The following RSPH1 variants were observed in gnomAD, a reference collection of about 807,000 sequenced individuals.
RSPH1 encodes radial spoke head 1 homolog.
A neutral mutation model predicts 44.2 loss-of-function variants in RSPH1; 32 were observed. That is an observed-to-expected ratio of 0.72 (90% CI 0.55 to 0.97). The LOEUF is 0.97. RSPH1 is among the 50% of genes least tolerant of loss of function. RSPH1 has a pLI of 0.00. For missense variants in RSPH1, 391 were observed against 398.7 expected (o/e 0.98, Z 0.16); for synonymous variants, 134 against 147.3 (o/e 0.91, Z 0.65).
chr21:42,483,395 T>G (rs939827863), intron 5 of RSPH1, among the ~76,000 whole-genome samples: 1 of 152,190 alleles, frequency 6.6e-6, no homozygotes, highest in Admixed American at 6.5e-5. Context: ...TTCCCATAAC[T>G]GCACTTAAGA....
At chr21:42,491,012 C>A (rs1489599891) in intron 3 of RSPH1, among the ~76,000 whole-genome samples, 1 of 152,206 alleles carries the variant, frequency 6.6e-6, no homozygotes, top group Non-Finnish European at 1.5e-5. Context: ...TGCTTGGGAA[C>A]CTTCCAGGCC....
chr21:42,493,914 C>T (rs529236112), intron 1 of RSPH1, among the ~76,000 whole-genome samples: 2 of 152,296 alleles, frequency 1.3e-5, no homozygotes, highest in South Asian at 4.1e-4. Flanking sequence ...CCATTCCCAG[C>T]TAATTTCAAA....
rs1199461158 is a variant in RSPH1 at position 42,477,271 on chromosome 21, A to C, written c.727+20T>G. On this transcript the variant is annotated intron_variant, in intron 7 of 8. Coordinates refer to ENST00000291536, the MANE Select transcript of RSPH1 (RefSeq NM_080860.4). The stretch of plus-strand genomic sequence containing the variant: ...ACACCCTCTGCCCCCTCCACCCCAC[A>C]GCCCGGGGGTGCCCCACACTCTCAG... The C allele has an allele frequency of 2.7e-5, 43 of 1,581,834 alleles. No individual in the cohort carries two copies. Among genetic ancestry groups the C allele is most frequent in the Non-Finnish European group, 3.7e-5 (43 of 1,164,474 alleles).
At chr21:42,481,838 G>A (rs1250067349) in intron 6 of RSPH1, among the ~76,000 whole-genome samples, 1 of 152,128 alleles carries the variant, frequency 6.6e-6, no homozygotes, top group African/African-American at 2.4e-5. Context: ...GGCAATATTA[G>A]CTGACTAGCT....
At position 42,487,104 on chromosome 21, in the gene RSPH1, C is replaced by T. The variant is rs116168699; in HGVS notation, c.275-643G>A. On this transcript the variant is annotated intron_variant, in intron 3 of 8. Coordinates refer to ENST00000291536, the MANE Select transcript of RSPH1 (RefSeq NM_080860.4). ...GCCTCTGTTTGAACTCTTCCCTCACCTCCTCACCTCCATACGGCTTCTGCT... is the reference window on the plus strand; with the variant it reads ...GCCTCTGTTTGAACTCTTCCCTCACTTCCTCACCTCCATACGGCTTCTGCT... Among the ~76,000 whole-genome samples the T allele has an allele frequency of 8.0e-3, 1,214 of 152,278 alleles. 19 individuals carry two copies. The highest frequency in any genetic ancestry group is 0.027 in the African/African-American group (1,133 of 41,540).
chr21:42,490,627 T>C (rs186821113), intron 3 of RSPH1, among the ~76,000 whole-genome samples: 2 of 152,368 alleles, frequency 1.3e-5, no homozygotes, highest in Admixed American at 1.3e-4. Flanking sequence ...AAGAGCTTTA[T>C]ATGTTAGTGT....
chr21:42,494,256 T>C (rs1447110163), intron 1 of RSPH1, among the ~76,000 whole-genome samples: 1 of 152,140 alleles, frequency 6.6e-6, no homozygotes, highest in East Asian at 1.9e-4. Context: ...ATAATAAAAT[T>C]TATTAAAAAT....
intron 8 of RSPH1, among the ~76,000 whole-genome samples, chr21:42,473,088 T>C (rs777333416): frequency 6.6e-6 from 1 of 152,218 alleles, no homozygotes; most frequent in Non-Finnish European, 1.5e-5. Context: ...TCAAAGTAAA[T>C]GCTAAGACAA....
At chr21:42,486,256 G>T (rs548770370) in intron 4 of RSPH1, 115 bp downstream of exon 4, 2 of 821,252 alleles carry the variant, frequency 2.4e-6, no homozygotes, top group Admixed American at 1.9e-5. Flanking sequence ...GCCTGGCAGA[G>T]TTGGTAACTG....
intron 4 of RSPH1, chr21:42,486,025 C>T (rs2054177247): frequency 1.6e-6 from 1 of 617,692 alleles, no homozygotes; most frequent in African/African-American, 1.8e-5. Flanking sequence ...TGGACAGAGG[C>T]AAGCCTCCTG....
intron 6 of RSPH1, among the ~76,000 whole-genome samples, chr21:42,479,726 T>TACACACACAC (rs141751119): frequency 6.6e-4 from 96 of 145,234 alleles, no homozygotes; most frequent in African/African-American, 1.8e-3. Context: ...TGTAGGAGGT[T>TACACACACAC]ACACACACAC....
chr21:42,472,946 A>G, intron 8 of RSPH1, 76 bp from the exon 9 acceptor site: 1 of 1,085,504 alleles, frequency 9.2e-7, no homozygotes, highest in Non-Finnish European at 1.4e-6. Flanking sequence ...TCACTAACAG[A>G]TCTTTTGCCG....
chr21:42,485,939 G>T, intron 4 of RSPH1, 135 bp from the exon 5 acceptor site: 1 of 1,128,986 alleles, frequency 8.9e-7, no homozygotes, highest in Non-Finnish European at 1.3e-6. Flanking sequence ...CTATATCTGT[G>T]TCCAGTCAGA....
chr21:42,492,694 A>T, intron 3 of RSPH1, 64 bp downstream of exon 3: 1 of 903,590 alleles, frequency 1.1e-6, no homozygotes, highest in Non-Finnish European at 1.8e-6. Context: ...TTCACAGACA[A>T]GTTCAGTCAT....
intron 3 of RSPH1, among the ~76,000 whole-genome samples, chr21:42,489,220 G>A (rs1280572762): frequency 6.6e-6 from 1 of 151,952 alleles, no homozygotes; most frequent in African/African-American, 2.4e-5. Context: ...TGGCTAGTCA[G>A]TTGACTGGTT....
chr21:42,477,496 T>C (rs1329280826), intron 6 of RSPH1, 52 bp from the exon 7 acceptor site: 1 of 1,590,188 alleles, frequency 6.3e-7, no homozygotes, highest in Non-Finnish European at 8.6e-7. Context: ...CATCTTGGTC[T>C]GGAATATTAA....
At chr21:42,488,861 T>C (rs1198814994) in intron 3 of RSPH1, among the ~76,000 whole-genome samples, 1 of 152,244 alleles carries the variant, frequency 6.6e-6, no homozygotes, top group Non-Finnish European at 1.5e-5. Context: ...TTTATTATTG[T>C]GGCTTTAAAT....
intron 6 of RSPH1, among the ~76,000 whole-genome samples, chr21:42,481,872 A>G (rs2054130887): frequency 6.6e-6 from 1 of 152,210 alleles, no homozygotes; most frequent in Non-Finnish European, 1.5e-5. Flanking sequence ...GGGAATGTCA[A>G]TGTAGTGTTA....
intron 3 of RSPH1, among the ~76,000 whole-genome samples, chr21:42,487,018 A>C (rs528661937): frequency 6.6e-6 from 1 of 152,168 alleles, no homozygotes; most frequent in South Asian, 2.1e-4. Flanking sequence ...CCACCCAATC[A>C]TCTGACTCCA....
Sources: gnomAD v4.1 joint callset for allele counts (sites outside exome capture counted in the v4.1 genomes callset) on GRCh38, gnomAD v4.1.1 for gene constraint, MANE v1.5 for transcripts, NCBI Gene and HGNC (gene_info 2026-07-23, HGNC 2026-07-21) for gene names.